The following PIR variants were observed in gnomAD, a reference collection of about 807,000 sequenced individuals.
The protein encoded by PIR is pirin (iron-binding nuclear protein).
PIR carries 22 observed loss-of-function variants against 24.2 expected under a neutral mutation model. That is an observed-to-expected ratio of 0.91 (90% CI 0.65 to 1.30). The LOEUF (loss-of-function observed/expected upper bound fraction) is 1.30, where lower values mean the gene tolerates loss of function less well. PIR is among the 50% of genes most tolerant of loss of function. PIR has a pLI of 0.00. For synonymous variants in PIR, 80 were observed against 79.6 expected (o/e 1.00, Z -0.03); for missense variants, 220 against 220.3 (o/e 1.00, Z 0.01).
At chrX:15,466,005 T>A (rs1569208478) in intron 3 of PIR, among the ~76,000 whole-genome samples, 1 of 67,501 alleles carries the variant, frequency 1.5e-5, no homozygotes, top group East Asian at 7.5e-4. Context: ...AAATGGTGGC[T>A]GTTTTTTTTT....
rs537955114 is a variant in PIR at position 15,415,732 on chromosome X, C to G, written c.566-8182G>C. On this transcript the variant is annotated intron_variant, in intron 6 of 9. Transcript: ENST00000380420. ...AAATACTTCAAAACATCAAGTTGTA[C>G]AAGATAAATACGTACAATTTTATCA... Among the ~76,000 whole-genome samples the G allele has an allele frequency of 3.7e-4, 41 of 110,864 alleles. No individual in the cohort carries two copies. In the South Asian group the frequency reaches 0.016, roughly 42 times the overall value.
chrX:15,476,777 TTTTTCAC>T (rs1922218441), intron 3 of PIR, among the ~76,000 whole-genome samples: 1 of 111,856 alleles, frequency 8.9e-6, no homozygotes, highest in African/African-American at 3.2e-5. Flanking sequence ...TAAAGCATTA[TTTTTCAC>T]TTGTAAAAAT....
At chrX:15,417,162 C>T (rs895715971) in intron 6 of PIR, among the ~76,000 whole-genome samples, 4 of 111,168 alleles carry the variant, frequency 3.6e-5, no homozygotes, top group Admixed American at 9.6e-5. Flanking sequence ...GTTGGCCAGA[C>T]TGGTCACAAA....
intron 7 of PIR, among the ~76,000 whole-genome samples, chrX:15,401,533 G>A (rs1359876570): frequency 9.0e-6 from 1 of 111,219 alleles, no homozygotes; most frequent in African/African-American, 3.3e-5. Flanking sequence ...CGCCCATCTG[G>A]TTATCTCCTG....
intron 6 of PIR, among the ~76,000 whole-genome samples, chrX:15,418,910 A>G (rs1014193403): frequency 5.4e-5 from 6 of 112,074 alleles, no homozygotes; most frequent in Non-Finnish European, 1.1e-4. Context: ...TAGACTGCAA[A>G]GCTTATGCCA....
At chrX:15,428,721 C>T (rs1925404125) in intron 5 of PIR, among the ~76,000 whole-genome samples, 1 of 111,157 alleles carries the variant, frequency 9.0e-6, no homozygotes, top group Non-Finnish European at 1.9e-5. Context: ...GTTGCCCAGG[C>T]TGGTTTCGGA....
intron 6 of PIR, among the ~76,000 whole-genome samples, chrX:15,420,829 C>T (rs1197119369): frequency 9.0e-6 from 1 of 110,571 alleles, no homozygotes; most frequent in Non-Finnish European, 1.9e-5. Flanking sequence ...ACAGAGAAAC[C>T]CTGTCTCTTA....
intron 6 of PIR, among the ~76,000 whole-genome samples, chrX:15,412,819 C>A (rs1478421584): frequency 3.6e-5 from 4 of 112,258 alleles, no homozygotes; most frequent in African/African-American, 1.3e-4. Context: ...GGAAAACAAA[C>A]CAACTAAGCA....
At chrX:15,439,276 G>A (rs1925841680) in intron 5 of PIR, among the ~76,000 whole-genome samples, 1 of 112,557 alleles carries the variant, frequency 8.9e-6, no homozygotes, top group African/African-American at 3.2e-5. Context: ...TGCTGCAAGT[G>A]TAAAATACAC....
At chrX:15,446,411 G>A (rs1379527155) in intron 5 of PIR, among the ~76,000 whole-genome samples, 2 of 110,913 alleles carry the variant, frequency 1.8e-5, no homozygotes, top group Non-Finnish European at 3.8e-5. Context: ...CACACTGGAA[G>A]AAGAATTGTC....
chrX:15,426,299 C>T (rs1925315369), intron 5 of PIR, among the ~76,000 whole-genome samples: 2 of 111,975 alleles, frequency 1.8e-5, no homozygotes, highest in African/African-American at 6.5e-5. Context: ...CCAACTTTCC[C>T]ACCTCCAGTC....
At chrX:15,472,028 G>A (rs981891213) in intron 3 of PIR, among the ~76,000 whole-genome samples, 1 of 111,326 alleles carries the variant, frequency 9.0e-6, no homozygotes, top group African/African-American at 3.3e-5. Flanking sequence ...TGGTTGACAG[G>A]AATAGAACAC....
intron 9 of PIR, among the ~76,000 whole-genome samples, chrX:15,389,549 T>C (rs1042966928): frequency 1.8e-5 from 2 of 111,374 alleles, no homozygotes; most frequent in Non-Finnish European, 3.8e-5. Flanking sequence ...ATCTAAATAA[T>C]AAAATGGGTT....
intron 9 of PIR, among the ~76,000 whole-genome samples, chrX:15,388,212 T>TG (rs1327666977): frequency 1.8e-5 from 2 of 112,477 alleles, no homozygotes; most frequent in Non-Finnish European, 3.8e-5. Flanking sequence ...TTGTATAAAA[T>TG]GGTGTGTCTA....
chrX:15,412,915 T>C (rs1031829276), intron 6 of PIR, among the ~76,000 whole-genome samples: 3 of 111,898 alleles, frequency 2.7e-5, no homozygotes, highest in Non-Finnish European at 5.6e-5. Context: ...CTCAGGGAGA[T>C]CTAGGACCAG....
intron 7 of PIR, among the ~76,000 whole-genome samples, chrX:15,403,263 G>A (rs183117334): frequency 1.3e-4 from 15 of 112,129 alleles, no homozygotes; most frequent in Non-Finnish European, 3.8e-5. Context: ...CAAACTAAGC[G>A]TGAATCATTA....
At chrX:15,405,638 T>C (rs941914270) in intron 7 of PIR, among the ~76,000 whole-genome samples, 3 of 112,683 alleles carry the variant, frequency 2.7e-5, no homozygotes, top group Non-Finnish European at 5.6e-5. Context: ...TCCATAAAAA[T>C]GTTTTTTTCT....
Position 15,474,115 on chromosome X carries a change from G to A in PIR, c.189+5614C>T, listed in dbSNP as rs1468093931. On this transcript the variant is annotated intron_variant, in intron 3 of 9. Coordinates refer to ENST00000380420, the MANE Select transcript of PIR (RefSeq NM_001018109.3). ...GAAAAAAAAATGATTAGCAGATCTG[G>A]CAGTCTCCAGAATCACAGCAGATTC... Among the ~76,000 whole-genome samples the A allele has an allele frequency of 4.5e-5, 5 of 111,927 alleles. No individual in the cohort carries two copies. The South Asian group carries it at 1.8e-3, about 41-fold the overall frequency.
At position 15,419,343 on chromosome X, in the gene PIR, CTGTGTGTGTGTGTG is replaced by C. The variant is rs34664851; in HGVS notation, c.565+6549_565+6562del. ...TAATGCAGTGGAAGCATGGATAAGT[CTGTGTGTGTGTGTG>C]TGTGTGTGTGTGTGTGTGTGTGTGT... is the stretch of plus-strand genomic sequence containing the variant. On this transcript the variant is annotated intron_variant, in intron 6 of 9. Coordinates refer to ENST00000380420, the MANE Select transcript of PIR (RefSeq NM_001018109.3). 6.8e-3 allele frequency among the ~76,000 whole-genome samples: 532 copies of C among 78,287 alleles called. 3 individuals carry two copies. Among genetic ancestry groups the C allele is most frequent in the African/African-American group, 0.022 (477 of 21,681 alleles). 68.0% of individuals were successfully genotyped at this position (78,287 alleles called of 115,157 possible).
Sources: allele counts gnomAD v4.1 joint callset (sites outside exome capture counted in the v4.1 genomes callset), GRCh38; gene constraint gnomAD v4.1.1; transcripts MANE v1.5; gene names NCBI Gene and HGNC (gene_info 2026-07-23, HGNC 2026-07-21).